ALG1: variants seen among roughly 807,000 people sequenced by gnomAD.
The protein encoded by ALG1 is ALG1 chitobiosyldiphosphodolichol beta-mannosyltransferase, also known as chitobiosyldiphosphodolichol beta-mannosyltransferase.
Under a neutral mutation model 55.1 loss-of-function variants are expected in ALG1, and 58 were observed. The observed-to-expected ratio is 1.05, with a 90% CI of 0.85 to 1.31. The LOEUF (loss-of-function observed/expected upper bound fraction) is 1.31, where lower values mean the gene tolerates loss of function less well. Among genes scored for constraint, ALG1 ranks in the 50% most tolerant of loss-of-function variants. ALG1 has a pLI of 0.00. For synonymous variants in ALG1, 309 were observed against 247.0 expected, an observed-to-expected ratio of 1.25 and a Z score of -2.35; for missense variants, 761 against 598.6, an observed-to-expected ratio of 1.27 and a Z score of -2.83.
intron 3 of ALG1, 129 bp downstream of exon 3, chr16:5,073,385 G>C (rs1417223828): frequency 1.3e-6 from 1 of 789,914 alleles, no homozygotes; most frequent in Non-Finnish European, 2.2e-6. Flanking sequence ...GACATGAGTA[G>C]GAGCCTATGG....
rs572197392 is a variant in ALG1 at position 5,071,946 on chromosome 16, C to G, written c.97C>G (p.Arg33Gly). Residue 33 changes from arginine (R) to glycine (G), a missense_variant, in exon 1 of 13, where the codon CGG (arginine) becomes GGG (glycine). Physicochemically the swap from Arg to Gly is moderately radical, Grantham distance 125 (BLOSUM62 -2). Transcript: ENST00000262374. ...WKRWRRGRAA[R>G]HVVAVVLGDV... is the part of the protein sequence containing the mutation. ...GCGCTGGCGCCGGGGGCGGGCGGCC[C>G]GGCATGTAGTAGCGGTGGTGCTGGG... 2.5e-6 allele frequency: 4 copies of G among 1,587,580 alleles called. No individual in the cohort carries two copies. Among genetic ancestry groups the G allele is most frequent in the South Asian group, 2.3e-5 (2 of 88,224 alleles).
At chr16:5,080,059 T>TA (rs1956989690) in intron 9 of ALG1, among the ~76,000 whole-genome samples, 1 of 149,914 alleles carries the variant, frequency 6.7e-6, no homozygotes, top group African/African-American at 2.4e-5. Context: ...TTGTTGTTGT[T>TA]ACGTCATTGG....
In ALG1 at chr16:5,077,984, A is replaced by C; in HGVS notation, c.707A>C (p.Lys236Thr). The C allele has an allele frequency of 6.2e-7, 1 of 1,601,992 alleles. No homozygotes were observed. The highest frequency in any genetic ancestry group is 8.5e-7 in the Non-Finnish European group (1 of 1,179,782). ...PLDLQHRLFM[K>T]LGSMHSPFRA... ...GACCTGCAGCACCGGCTCTTCATGAAGCTGGGCAGCATGCACTCTCCGTTC... is the reference window on the plus strand; with the variant it reads ...GACCTGCAGCACCGGCTCTTCATGACGCTGGGCAGCATGCACTCTCCGTTC... Residue 236 changes from lysine to threonine, a missense_variant, in exon 6 of 13, where the codon AAG (lysine) becomes ACG (threonine). Physicochemically the swap from Lys to Thr is moderately conservative, Grantham distance 78. Transcript: ENST00000262374.
intron 4 of ALG1, among the ~76,000 whole-genome samples, chr16:5,077,100 T>A (rs1406152110): frequency 5.3e-5 from 8 of 152,218 alleles, no homozygotes; most frequent in African/African-American, 1.9e-4. Flanking sequence ...TTCTTCCTTT[T>A]ACAGCAAGAG....
rs1465037854 is a variant in ALG1 at position 5,073,210 on chromosome 16, T to A, written c.344T>A (p.Leu115Gln). Residue 115 changes from leucine to glutamine, a missense_variant, in exon 3 of 13, where the codon CTG becomes CAG. Physicochemically the swap from Leu to Gln is moderately radical, Grantham distance 113. Transcript: ENST00000262374. ...GTTGTACTTCAGGCTATGTACTTGCTGTGGAAGTTGATGTGGAGGGAGCCA... is the reference window on the plus strand; with the variant it reads ...GTTGTACTTCAGGCTATGTACTTGCAGTGGAAGTTGATGTGGAGGGAGCCA... ...VKVVLQAMYL[L>Q]WKLMWREPGA... The A allele has an allele frequency of 6.2e-7, 1 of 1,614,126 alleles. No homozygotes were observed. The highest frequency in any genetic ancestry group is 8.5e-7 in the Non-Finnish European group (1 of 1,180,054).
chr16:5,072,077 G>GA lies in ALG1; in HGVS notation c.208+20_208+21insA. ...TCTGCAGTGAGTGGCCAAGGGTCTG[G>GA]GAGGGACGATGCTCTCTCAGCCGTT... On this transcript the variant is annotated intron_variant, in intron 1 of 12. Transcript: ENST00000262374. 1 of 1,180,664 alleles carries GA rather than the reference G, an allele frequency of 8.5e-7. No individual in the cohort carries two copies. Among genetic ancestry groups the GA allele is most frequent in the East Asian group, 3.4e-5 (1 of 29,304 alleles). 73.1% of individuals were successfully genotyped at this position (1,180,664 alleles called of 1,614,324 possible). A position where few individuals can be genotyped will look rare whatever the true frequency, so the allele number is the denominator to read the frequency against.
intron 6 of ALG1, chr16:5,078,218 C>T: frequency 1.4e-6 from 1 of 731,756 alleles, no homozygotes; most frequent in Admixed American, 2.0e-5. Context: ...CGCCTTTGAG[C>T]TGCAATAGCA....
rs1337718249 is a variant in ALG1, at chr16:5,085,212, C to T, written c.*331C>T. 1.6e-5 allele frequency: 9 copies of T among 546,432 alleles called. No individual in the cohort carries two copies. The highest frequency in any genetic ancestry group is 6.3e-5 in the South Asian group (3 of 47,782). 33.8% of individuals were successfully genotyped at this position (546,432 alleles called of 1,614,324 possible). A position where few individuals can be genotyped will look rare whatever the true frequency, so the allele number is the denominator to read the frequency against. On this transcript the variant is annotated 3_prime_UTR_variant, in exon 13 of 13. Coordinates refer to ENST00000262374, the MANE Select transcript of ALG1 (RefSeq NM_019109.5). Reference sequence around the variant, plus strand: ...TGGTCTCCAGGTGTCCCCTTTCTGCCGTGTTCCTAACATTTTGATTCCTGT... The same window carrying T: ...TGGTCTCCAGGTGTCCCCTTTCTGCTGTGTTCCTAACATTTTGATTCCTGT...
In ALG1 at chr16:5,078,837, G is replaced by A. The variant is rs529013891; in HGVS notation, c.821G>A (p.Arg274His). Residue 274 changes from arginine (R) to histidine (H), a missense_variant, in exon 7 of 13, where the codon CGT becomes CAT. Arg to His is a conservative substitution (Grantham distance 29). Coordinates refer to ENST00000262374, the MANE Select transcript of ALG1 (RefSeq NM_019109.5). ...GGGAGCGGGCTGGTGACGCGTCTCCGTGAGCGGCCAGCCCTGCTGGTCAGC... is the reference window on the plus strand; with the variant it reads ...GGGAGCGGGCTGGTGACGCGTCTCCATGAGCGGCCAGCCCTGCTGGTCAGC... ...DAGSGLVTRL[R>H]ERPALLVSST... The A allele has an allele frequency of 3.5e-4, 558 of 1,612,058 alleles. 9 individuals carry two copies. In the South Asian group the frequency reaches 5.4e-3, roughly 16 times the overall value.
chr16:5,084,626 G>A (rs1957084018), intron 12 of ALG1, 124 bp from the exon 13 acceptor site: 1 of 1,465,682 alleles, frequency 6.8e-7, no homozygotes, highest in Non-Finnish European at 9.3e-7. Flanking sequence ...TCGAGTCCAA[G>A]TGAGGGAGTT....
At chr16:5,076,287 C>G (rs1391203448) in intron 4 of ALG1, among the ~76,000 whole-genome samples, 1 of 152,248 alleles carries the variant, frequency 6.6e-6, no homozygotes, top group Non-Finnish European at 1.5e-5. Flanking sequence ...GGCCTTCGCC[C>G]TGATAGTTTG....
At chr16:5,072,158 C>G in intron 1 of ALG1, 101 bp downstream of exon 1, 1 of 1,541,114 alleles carries the variant, frequency 6.5e-7, no homozygotes, top group Non-Finnish European at 8.7e-7. Flanking sequence ...CTTTAGTCGC[C>G]GCCTTTGGGC....
intron 3 of ALG1, among the ~76,000 whole-genome samples, 185 bp from the exon 4 acceptor site, chr16:5,075,203 C>T (rs755336109): frequency 6.6e-6 from 1 of 152,170 alleles, no homozygotes; most frequent in African/African-American, 2.4e-5. Flanking sequence ...CGCACCTGGC[C>T]CATTCTGTTT....
intron 8 of ALG1, 133 bp from the exon 9 acceptor site, chr16:5,079,615 G>T: frequency 9.6e-7 from 1 of 1,042,740 alleles, no homozygotes; most frequent in South Asian, 1.3e-5. Flanking sequence ...CTTGAACCCA[G>T]GAGGCAGAGG....
Position 5,073,302 on chromosome 16 carries a change from T to A in ALG1, c.390+46T>A, listed in dbSNP as rs111714766. The A allele has an allele frequency of 2.4e-3, 3,707 of 1,562,406 alleles. 71 individuals carry two copies. In the African/African-American group the frequency reaches 0.041, roughly 17 times the overall value. On this transcript the variant is annotated intron_variant, in intron 3 of 12. Transcript: ENST00000262374. ...CCCTCTGTGAGAGCCATGTTAGCAGTTTACTTTCCAGCACAAATTGGTACT... is the reference window on the plus strand; with the variant it reads ...CCCTCTGTGAGAGCCATGTTAGCAGATTACTTTCCAGCACAAATTGGTACT...
In ALG1 at chr16:5,085,034, G is replaced by T. The variant is rs1957105991; in HGVS notation, c.*153G>T. On this transcript the variant is annotated 3_prime_UTR_variant, in exon 13 of 13. Transcript: ENST00000262374. ...ACTGCCTGGTAAAAGAATTGGTTCTGTGACCCGGGAAGCTTTGGTTGGCCT... is the reference window on the plus strand; with the variant it reads ...ACTGCCTGGTAAAAGAATTGGTTCTTTGACCCGGGAAGCTTTGGTTGGCCT... 1 of 1,415,258 alleles carries T rather than the reference G, an allele frequency of 7.1e-7. No homozygotes were observed. The highest frequency in any genetic ancestry group is 9.7e-7 in the Non-Finnish European group (1 of 1,034,192). 87.7% of individuals were successfully genotyped at this position (1,415,258 alleles called of 1,614,324 possible).
Position 5,085,039 on chromosome 16 carries a change from C to T in ALG1, c.*158C>T. 7.2e-7 allele frequency: 1 copy of T among 1,387,428 alleles called. No individual in the cohort carries two copies. The allele number at this position is 1,387,428 out of a possible 1,614,324, so 85.9% of individuals were successfully genotyped here. ...CTGGTAAAAGAATTGGTTCTGTGAC[C>T]CGGGAAGCTTTGGTTGGCCTTGATT... On this transcript the variant is annotated 3_prime_UTR_variant, in exon 13 of 13. Transcript: ENST00000262374.
Position 5,085,353 on chromosome 16 carries a change from G to A in ALG1, c.*472G>A, listed in dbSNP as rs1162927859. 1.6e-5 allele frequency: 8 copies of A among 509,334 alleles called. No individual in the cohort carries two copies. Among genetic ancestry groups the A allele is most frequent in the African/African-American group, 1.2e-4 (6 of 51,522 alleles). 31.6% of individuals were successfully genotyped at this position (509,334 alleles called of 1,614,324 possible). On this transcript the variant is annotated 3_prime_UTR_variant, in exon 13 of 13. Coordinates refer to ENST00000262374, the MANE Select transcript of ALG1 (RefSeq NM_019109.5). ...GGGGAACATCATACTTGATACACAC[G>A]TTTTTATTTGCACAAAGAAAATGCT...
At chr16:5,083,578 C>T in intron 11 of ALG1, 104 bp from the exon 12 acceptor site, 1 of 1,585,150 alleles carries the variant, frequency 6.3e-7, no homozygotes, top group Non-Finnish European at 8.5e-7. Flanking sequence ...TTCCAACCCC[C>T]AGCCTGGCTT....
Sources: gnomAD v4.1 joint callset for allele counts (sites outside exome capture counted in the v4.1 genomes callset) on GRCh38, gnomAD v4.1.1 for gene constraint, MANE v1.5 for transcripts, NCBI Gene and HGNC (gene_info 2026-07-23, HGNC 2026-07-21) for gene names.